The following PTPRD variants were observed in gnomAD, a reference collection of about 807,000 sequenced individuals.
PTPRD encodes protein tyrosine phosphatase receptor type D, also known as receptor-type tyrosine-protein phosphatase delta.
A neutral mutation model predicts 214.5 loss-of-function variants in PTPRD; 34 were observed. The ratio of observed to expected loss-of-function variants is 0.16; its 90% CI spans 0.12 to 0.21. The LOEUF is 0.21. PTPRD is among the 10% of genes least tolerant of loss of function. The probability of loss-of-function intolerance (pLI) is 1.00; values close to 1 mark genes in which losing one functional copy is unlikely to be tolerated. For synonymous variants in PTPRD, 1,128 were observed against 845.7 expected, an observed-to-expected ratio of 1.33 and a Z score of -5.79; for missense variants, 2,545 against 2,398.7, an observed-to-expected ratio of 1.06 and a Z score of -1.27.
intron 7 of PTPRD, among the ~76,000 whole-genome samples, chr9:9,722,524 G>A (rs181166119): frequency 4.0e-5 from 6 of 151,874 alleles, no homozygotes; most frequent in East Asian, 1.9e-4. Flanking sequence ...AATGTTCCTC[G>A]GAATTTGGGG....
chr9:8,449,925 A>C, intron 33 of PTPRD, 88 bp from the exon 34 acceptor site: 3 of 1,271,384 alleles, frequency 2.4e-6, no homozygotes, highest in Non-Finnish European at 3.3e-6. Context: ...CACTCCCCCC[A>C]CCTCCCAAGT....
intron 10 of PTPRD, among the ~76,000 whole-genome samples, chr9:9,106,720 T>A (rs1277869574): frequency 6.6e-6 from 1 of 151,860 alleles, no homozygotes; most frequent in Non-Finnish European, 1.5e-5. Context: ...AACTCTGTAG[T>A]TGGTGATTTA....
chr9:10,331,197 A>G (rs1201563156), intron 3 of PTPRD, among the ~76,000 whole-genome samples: 1 of 151,852 alleles, frequency 6.6e-6, no homozygotes, highest in Non-Finnish European at 1.5e-5. Context: ...CTCACCAAAT[A>G]CTGCCTAACG....
At chr9:8,696,984 T>C (rs2097923940) in intron 12 of PTPRD, among the ~76,000 whole-genome samples, 1 of 151,480 alleles carries the variant, frequency 6.6e-6, no homozygotes, top group Admixed American at 6.6e-5. Context: ...TTTTAAAAAA[T>C]CAAATGGGTT....
At chr9:8,612,434 T>G (rs1426732140) in intron 14 of PTPRD, among the ~76,000 whole-genome samples, 1 of 152,202 alleles carries the variant, frequency 6.6e-6, no homozygotes, top group African/African-American at 2.4e-5. Flanking sequence ...TGGAGGTGTT[T>G]GAGTGAAACT....
chr9:9,450,190 C>T (rs146380833), intron 8 of PTPRD, among the ~76,000 whole-genome samples: 113 of 151,168 alleles, frequency 7.5e-4, no homozygotes, highest in African/African-American at 2.6e-3. Context: ...GGGCTGGTTC[C>T]ATATTTTTGC....
intron 12 of PTPRD, among the ~76,000 whole-genome samples, chr9:8,690,311 A>G (rs2097776400): frequency 6.6e-6 from 1 of 152,038 alleles, no homozygotes; most frequent in African/African-American, 2.4e-5. Flanking sequence ...GCAGATCACA[A>G]GGTCAGGACA....
chr9:8,656,963 G>C (rs1293960002), intron 12 of PTPRD, among the ~76,000 whole-genome samples: 1 of 152,116 alleles, frequency 6.6e-6, no homozygotes, highest in African/African-American at 2.4e-5. Flanking sequence ...ATAGTAAGTT[G>C]TAAAGATGAA....
rs992843560 is a variant in PTPRD at position 9,074,432 on chromosome 9, G to A, written c.-142-55697C>T. On this transcript the variant is annotated intron_variant, in intron 10 of 45. Transcript: ENST00000381196. ...CACTAAAACAGATTTTCAACATTTA[G>A]CAGTCAGGGTTGACACTGGGATTAT... is the stretch of plus-strand genomic sequence containing the variant. 7.9e-5 allele frequency among the ~76,000 whole-genome samples: 12 copies of A among 152,212 alleles called. No individual in the cohort carries two copies. In the East Asian group the frequency reaches 2.3e-3, roughly 29 times the overall value.
intron 39 of PTPRD, among the ~76,000 whole-genome samples, chr9:8,366,398 G>A (rs2079887717): frequency 6.6e-6 from 1 of 152,280 alleles, no homozygotes; most frequent in East Asian, 1.9e-4. Flanking sequence ...AATTTTGGGG[G>A]GAAGTGGAAG....
intron 12 of PTPRD, among the ~76,000 whole-genome samples, chr9:8,676,917 T>C (rs766083205): frequency 2.6e-5 from 4 of 152,140 alleles, no homozygotes; most frequent in Admixed American, 6.5e-5. Flanking sequence ...ACGGAGTGCT[T>C]GGCACACAGT....
Position 9,849,507 on chromosome 9 carries a change from G to A in PTPRD, c.-367-82656C>T, listed in dbSNP as rs111265145. 2.5e-3 allele frequency among the ~76,000 whole-genome samples: 383 copies of A among 152,202 alleles called. 2 individuals carry two copies. The highest frequency in any genetic ancestry group is 4.5e-3 in the Non-Finnish European group (308 of 67,998). On this transcript the variant is annotated intron_variant, in intron 5 of 45. Transcript: ENST00000381196. ...AATTTATATATAGAAGTCTGATGGT[G>A]ATGCTATTGTCCATTCCAAGTTTTG...
At chr9:8,728,045 C>G (rs1317583478) in intron 12 of PTPRD, among the ~76,000 whole-genome samples, 1 of 152,012 alleles carries the variant, frequency 6.6e-6, no homozygotes, top group African/African-American at 2.4e-5. Flanking sequence ...GTCGGGAGTT[C>G]GAGACCAGCC....
At chr9:9,994,379 T>G (rs1289387014) in intron 4 of PTPRD, among the ~76,000 whole-genome samples, 2 of 152,196 alleles carry the variant, frequency 1.3e-5, no homozygotes, top group African/African-American at 4.8e-5. Flanking sequence ...TACTTAAACT[T>G]CACTTACCTC....
intron 7 of PTPRD, among the ~76,000 whole-genome samples, chr9:9,705,727 A>T (rs969738106): frequency 6.6e-6 from 1 of 152,198 alleles, no homozygotes; most frequent in Non-Finnish European, 1.5e-5. Flanking sequence ...TTGTCATACT[A>T]ATGTACAAAA....
intron 2 of PTPRD, among the ~76,000 whole-genome samples, chr9:10,604,437 A>C (rs1271429293): frequency 6.6e-6 from 1 of 151,804 alleles, no homozygotes; most frequent in Non-Finnish European, 1.5e-5. Flanking sequence ...TGTATGGGAA[A>C]ATAGGAAGAC....
chr9:9,302,856 T>C (rs1300380947), intron 9 of PTPRD, among the ~76,000 whole-genome samples: 1 of 151,888 alleles, frequency 6.6e-6, no homozygotes, highest in African/African-American at 2.4e-5. Flanking sequence ...ACCCGTAGTT[T>C]CTCATAGCAG....
At chr9:9,816,655 C>A (rs2048868708) in intron 5 of PTPRD, among the ~76,000 whole-genome samples, 1 of 151,910 alleles carries the variant, frequency 6.6e-6, no homozygotes, top group East Asian at 1.9e-4. Context: ...AAGGGAAGAC[C>A]TTTTGCGTAT....
intron 25 of PTPRD, among the ~76,000 whole-genome samples, chr9:8,497,902 G>C (rs2097311242): frequency 6.6e-6 from 1 of 152,180 alleles, no homozygotes; most frequent in Non-Finnish European, 1.5e-5. Flanking sequence ...AAGAACCAAA[G>C]GAGAACACCA....
Sources: allele counts gnomAD v4.1 joint callset (sites outside exome capture counted in the v4.1 genomes callset), GRCh38; gene constraint gnomAD v4.1.1; transcripts MANE v1.5; gene names NCBI Gene and HGNC (gene_info 2026-07-23, HGNC 2026-07-21).